TCERG1: variants seen among roughly 807,000 people sequenced by gnomAD.
TCERG1 encodes the protein TATA box binding protein (TBP)-associated factor, RNA polymerase II, S, 150kD.
In TCERG1, 37 loss-of-function variants were observed where a neutral mutation model predicts 144.7. That is an observed-to-expected ratio of 0.26 (90% confidence interval 0.20 to 0.34). The LOEUF is 0.34. Among genes scored for constraint, TCERG1 ranks in the 10% least tolerant of loss-of-function variants. The pLI is 1.00. For synonymous variants in TCERG1, 492 were observed against 458.2 expected, an observed-to-expected ratio of 1.07 and a Z score of -0.94; for missense variants, 1,027 against 1,380.7, an observed-to-expected ratio of 0.74 and a Z score of 4.06.
At chr5:146,477,586 GT>G (rs71848143) in intron 9 of TCERG1, among the ~76,000 whole-genome samples, 36,958 of 147,508 alleles carry the variant, frequency 0.25, 5,601 homozygotes, top group East Asian at 0.83. Flanking sequence ...TGTAGTTGTG[GT>G]TTTTTTTTTC....
In TCERG1 at chr5:146,511,404, A is replaced by G. The variant is rs1017024987; in HGVS notation, c.*762A>G. The G allele has an allele frequency of 5.2e-5, 8 of 152,732 alleles. No homozygotes were observed. In the East Asian group the frequency reaches 5.8e-4, roughly 11 times the overall value. 9.5% of individuals were successfully genotyped at this position (152,732 alleles called of 1,614,324 possible). A position where few individuals can be genotyped will look rare whatever the true frequency, so the allele number is the denominator to read the frequency against. ...CCTTTCTGGGTGTTTCTTGTAAACTATACTCCTGTTTGAATGTTAAACTTT... is the reference window on the plus strand; with the variant it reads ...CCTTTCTGGGTGTTTCTTGTAAACTGTACTCCTGTTTGAATGTTAAACTTT... On this transcript the variant is annotated 3_prime_UTR_variant, in exon 23 of 23. Transcript: ENST00000679501.
intron 17 of TCERG1, chr5:146,500,064 A>C (rs1767291814): frequency 6.6e-6 from 1 of 152,142 alleles, no homozygotes; most frequent in African/African-American, 2.4e-5. Flanking sequence ...AATAGATATG[A>C]CATCTAAATT....
chr5:146,458,070 G>A (rs772209672), intron 3 of TCERG1, among the ~76,000 whole-genome samples: 2 of 151,888 alleles, frequency 1.3e-5, no homozygotes, highest in Non-Finnish European at 2.9e-5. Context: ...GGCTGGTCTC[G>A]AACTCTTGAC....
chr5:146,474,057 A>G (rs1486638109), intron 9 of TCERG1, among the ~76,000 whole-genome samples: 1 of 152,028 alleles, frequency 6.6e-6, no homozygotes, highest in East Asian at 1.9e-4. Flanking sequence ...TCATCAGGCT[A>G]TAGCTGCCGT....
chr5:146,503,341 T>C (rs1767654638), intron 17 of TCERG1, 34 bp from the exon 18 acceptor site: 2 of 1,594,236 alleles, frequency 1.3e-6, no homozygotes, highest in Non-Finnish European at 1.7e-6. Flanking sequence ...TACATTATTT[T>C]CCCTCCCATC....
At chr5:146,496,963 T>A (rs1766977331) in intron 16 of TCERG1, among the ~76,000 whole-genome samples, 1 of 140,246 alleles carries the variant, frequency 7.1e-6, no homozygotes, top group Non-Finnish European at 1.5e-5. Flanking sequence ...AACCTCTGCC[T>A]CCTGGGTTTT....
chr5:146,494,581 C>T (rs1766717299), intron 16 of TCERG1, among the ~76,000 whole-genome samples: 1 of 152,112 alleles, frequency 6.6e-6, no homozygotes, highest in Non-Finnish European at 1.5e-5. Flanking sequence ...TATATTGATA[C>T]ATCCAACTCT....
At chr5:146,467,904 C>T (rs930132621) in intron 5 of TCERG1, among the ~76,000 whole-genome samples, 1 of 152,176 alleles carries the variant, frequency 6.6e-6, no homozygotes, top group African/African-American at 2.4e-5. Context: ...TGCCTCAGCT[C>T]CTGCATGTAG....
intron 5 of TCERG1, among the ~76,000 whole-genome samples, chr5:146,464,782 C>G (rs1267541025): frequency 3.9e-5 from 6 of 152,140 alleles, no homozygotes; most frequent in African/African-American, 1.4e-4. Flanking sequence ...TTGCTACTTT[C>G]TTATACTCCT....
chr5:146,490,365 C>G (rs1459631728), intron 15 of TCERG1, among the ~76,000 whole-genome samples: 1 of 152,174 alleles, frequency 6.6e-6, no homozygotes. Flanking sequence ...TAGAGCTGTT[C>G]CCTACATAGT....
At position 146,459,197 on chromosome 5, in the gene TCERG1, T is replaced by C; in HGVS notation, c.752T>C (p.Val251Ala). 1.2e-6 allele frequency: 2 copies of C among 1,614,072 alleles called. No homozygotes were observed. The highest frequency in any genetic ancestry group is 1.7e-6 in the Non-Finnish European group (2 of 1,180,008). The change falls in exon 4 of 23, where the codon GTG (valine) becomes GCG (alanine). Residue 251 changes from valine to alanine, a missense_variant. Transcript: ENST00000679501. Reference protein sequence around the residue: ...AQVQAQVQAQVQAQAVGASTP... With the variant: ...AQVQAQVQAQAQAQAVGASTP... ...GTCCAGGCCCAGGTCCAGGCACAAG[T>C]GCAAGCACAAGCAGTTGGAGCTTCC...
rs908946493 is a variant in TCERG1 at position 146,460,454 on chromosome 5, A to G, written c.892+1117A>G. Among the ~76,000 whole-genome samples, 9 of 151,128 alleles carry G rather than the reference A, an allele frequency of 6.0e-5. No homozygotes were observed. In the Admixed American group the frequency reaches 6.0e-4, roughly 10 times the overall value. On this transcript the variant is annotated intron_variant, in intron 4 of 22. Coordinates refer to ENST00000679501, the MANE Select transcript of TCERG1 (RefSeq NM_001382548.1). ...TTTTTATTTGATTATTTGTTATGGC[A>G]CTTGTCTCAAGATACACAGCTGTCC...
rs1480681086 is a variant in TCERG1 at position 146,470,663 on chromosome 5, C to A, written c.1427C>A (p.Pro476Gln). ...KEKLEEKIKE[P>Q]IKEPSEEPLP... Reference sequence around the variant, plus strand: ...AAGTTAGAAGAGAAGATTAAAGAGCCAATTAAAGAACCCTCTGAAGAGCCT... The same window carrying A: ...AAGTTAGAAGAGAAGATTAAAGAGCAAATTAAAGAACCCTCTGAAGAGCCT... Residue 476 changes from proline to glutamine, a missense_variant, in exon 8 of 23, where the codon CCA (proline) becomes CAA (glutamine). Around this residue, in one of 6 missense-constraint regions of TCERG1, gnomAD observed 482 missense variants for 632.6 expected, o/e 0.76. Transcript: ENST00000679501. The A allele has an allele frequency of 1.5e-5, 24 of 1,610,128 alleles. No individual in the cohort carries two copies. Among genetic ancestry groups the A allele is most frequent in the Non-Finnish European group, 2.0e-5 (24 of 1,179,114 alleles).
At chr5:146,501,836 T>C (rs1767476004) in intron 17 of TCERG1, among the ~76,000 whole-genome samples, 1 of 152,008 alleles carries the variant, frequency 6.6e-6, no homozygotes, top group Non-Finnish European at 1.5e-5. Context: ...GATGCAGATA[T>C]TCTGTTTCTT....
At chr5:146,471,724 G>A (rs1373646742) in intron 9 of TCERG1, 148 bp downstream of exon 9, 6 of 537,392 alleles carry the variant, frequency 1.1e-5, no homozygotes, top group East Asian at 3.3e-5. Context: ...TCAGCTTCCC[G>A]AATAGCTGGG....
In TCERG1 at chr5:146,455,189, C is replaced by G. The variant is rs769285327; in HGVS notation, c.193C>G (p.Pro65Ala). The G allele has an allele frequency of 3.1e-6, 5 of 1,614,216 alleles. No individual in the cohort carries two copies. The Admixed American group carries it at 6.7e-5, about 22-fold the overall frequency. Residue 65 changes from proline to alanine, a missense_variant, in exon 2 of 23, where the codon CCG becomes GCG. Physicochemically the swap from Pro to Ala is conservative, Grantham distance 27. This residue lies in a region of TCERG1 where 175 missense variants were observed against 197.0 expected (regional missense o/e 0.89). Transcript: ENST00000679501. The stretch of plus-strand genomic sequence containing the variant: ...GCGAGGCCCTCCTCCACCACCACGG[C>G]CGCCCTTTGGACGTCCTCCTTTTGA... ...MMRGPPPPPR[P>A]PFGRPPFDPN...
In TCERG1 at chr5:146,458,779, C is replaced by G. The variant is rs1443421473; in HGVS notation, c.439-105C>G. ...CAGGAATGAGCCACCACGCCTGGCC[C>G]TACGTTATTTTTAAATAGCTTTAAA... On this transcript the variant is annotated intron_variant, in intron 3 of 22. Coordinates refer to ENST00000679501, the MANE Select transcript of TCERG1 (RefSeq NM_001382548.1). The G allele has an allele frequency of 3.4e-6, 5 of 1,457,358 alleles. No individual in the cohort carries two copies. The Middle Eastern group carries it at 5.5e-4, about 161-fold the overall frequency. 90.3% of individuals were successfully genotyped at this position (1,457,358 alleles called of 1,614,324 possible). A position where few individuals can be genotyped will look rare whatever the true frequency, so the allele number is the denominator to read the frequency against.
In TCERG1 at chr5:146,464,300, G is replaced by A. The variant is rs565615204; in HGVS notation, c.1135+507G>A. 5.9e-5 allele frequency among the ~76,000 whole-genome samples: 9 copies of A among 152,240 alleles called. No individual in the cohort carries two copies. In the East Asian group the frequency reaches 1.5e-3, roughly 26 times the overall value. On this transcript the variant is annotated intron_variant, in intron 5 of 22. Transcript: ENST00000679501. ...AATAAGTGATGATGTTGAGATTTGA[G>A]CCTGTGCCCTCCACATCCAGATAGT... is the stretch of plus-strand genomic sequence containing the variant.
At position 146,503,383 on chromosome 5, in the gene TCERG1, G is replaced by T; in HGVS notation, c.2442G>T (p.Ser814=). Residue 814 remains serine, a synonymous_variant, in exon 18 of 23, where the codon TCG becomes TCT. Transcript: ENST00000679501. ...DSKTRGEKIK[S]DFFELLSNHH... is the part of the protein sequence containing the mutation. ...CCTGTTTTAAAATACAGATTAAATC[G>T]GATTTCTTTGAACTATTATCTAATC... 1.2e-6 allele frequency: 2 copies of T among 1,610,772 alleles called. No homozygotes were observed. Among genetic ancestry groups the T allele is most frequent in the Non-Finnish European group, 8.5e-7 (1 of 1,178,108 alleles).
Sources: allele counts gnomAD v4.1 joint callset (sites outside exome capture counted in the v4.1 genomes callset), GRCh38; gene constraint gnomAD v4.1.1; regional missense constraint gnomAD v4.1.1; transcripts MANE v1.5; gene names NCBI Gene and HGNC (gene_info 2026-07-23, HGNC 2026-07-21).